Variants in TMTC3 observed in about 807,000 individuals in gnomAD.
TMTC3 encodes the protein transmembrane O-mannosyltransferase targeting cadherins 3.
Under a neutral mutation model 92.2 loss-of-function variants are expected in TMTC3, and 52 were observed. That is an observed-to-expected ratio of 0.56 (90% CI 0.45 to 0.71). TMTC3 has a LOEUF of 0.71. Ranked by LOEUF, TMTC3 falls within the 30% of genes least tolerant of loss-of-function variation. The pLI, the probability that TMTC3 is intolerant of heterozygous loss-of-function variation, is 0.00. For synonymous variants in TMTC3, 339 were observed against 363.3 expected (o/e 0.93, Z 0.76); for missense variants, 896 against 1,057.1 (o/e 0.85, Z 2.11).
chr12:88,197,544 GAA>G lies in TMTC3; in HGVS notation c.*1898_*1899del, dbSNP rs1171437805. ...ATAGTATCAAGTGGAGGGTAGTTCA[GAA>G]AAGTTAATAGGAAATCTTTTGTGAC... On this transcript the variant is annotated 3_prime_UTR_variant, in exon 14 of 14. Transcript: ENST00000266712. 6.6e-6 allele frequency: 1 copy of G among 152,142 alleles called. No homozygotes were observed. The highest frequency in any genetic ancestry group is 2.4e-5 in the African/African-American group (1 of 41,400). 9.4% of individuals were successfully genotyped at this position (152,142 alleles called of 1,614,324 possible). A position where few individuals can be genotyped will look rare whatever the true frequency, so the allele number is the denominator to read the frequency against.
At chr12:88,178,064 G>C (rs745775761) in intron 10 of TMTC3, among the ~76,000 whole-genome samples, 6 of 152,140 alleles carry the variant, frequency 3.9e-5, no homozygotes, top group Non-Finnish European at 7.4e-5. Context: ...TGGTAAAAAG[G>C]AGAGAGAATT....
At position 88,154,361 on chromosome 12, in the gene TMTC3, G is replaced by T; in HGVS notation, c.482G>T (p.Arg161Ile). 1 of 1,605,448 alleles carries T rather than the reference G, an allele frequency of 6.2e-7. No homozygotes were observed. ...FFLAAFLSYT[R>I]SKGPDNSIIW... ...CTAGCAGCTTTTTTGTCATATACCA[G>T]ATCAAAAGGACCAGACAATTCCATA... Residue 161 changes from arginine to isoleucine, a missense_variant, in exon 4 of 14, where the codon AGA (arginine) becomes ATA (isoleucine). Transcript: ENST00000266712.
intron 10 of TMTC3, among the ~76,000 whole-genome samples, chr12:88,178,075 G>T (rs2041279020): frequency 6.6e-6 from 1 of 152,090 alleles, no homozygotes; most frequent in Admixed American, 6.6e-5. Flanking sequence ...AGAGAGAATT[G>T]TCCAAAAATG....
chr12:88,143,035 T>C (rs146457989), intron 1 of TMTC3, among the ~76,000 whole-genome samples: 144 of 152,250 alleles, frequency 9.5e-4, no homozygotes, highest in Middle Eastern at 3.4e-3. Context: ...CGTGCAAGTT[T>C]TGCTCATCCT....
At chr12:88,143,696 C>G (rs1274237458) in intron 1 of TMTC3, among the ~76,000 whole-genome samples, 2 of 152,140 alleles carry the variant, frequency 1.3e-5, no homozygotes, top group African/African-American at 4.8e-5. Context: ...GTTCAGTGTT[C>G]TTAATTCATA....
intron 13 of TMTC3, 48 bp from the exon 14 acceptor site, chr12:88,194,790 T>G: frequency 8.2e-7 from 1 of 1,223,194 alleles, no homozygotes; most frequent in Non-Finnish European, 1.1e-6. Flanking sequence ...TTCCTCACAT[T>G]TAATTATTTT....
intron 6 of TMTC3, among the ~76,000 whole-genome samples, chr12:88,161,231 T>C (rs1377492215): frequency 6.6e-6 from 1 of 152,148 alleles, no homozygotes; most frequent in Non-Finnish European, 1.5e-5. Flanking sequence ...GTTTTTGTTT[T>C]GTGCGTTTTT....
intron 3 of TMTC3, 53 bp downstream of exon 3, chr12:88,153,562 G>A: frequency 9.4e-7 from 1 of 1,060,690 alleles, no homozygotes; most frequent in Non-Finnish European, 1.4e-6. Flanking sequence ...TACAAATCCT[G>A]CACAGTGATT....
At chr12:88,168,315 G>A (rs1053747354) in intron 7 of TMTC3, among the ~76,000 whole-genome samples, 1 of 152,184 alleles carries the variant, frequency 6.6e-6, no homozygotes, top group Non-Finnish European at 1.5e-5. Flanking sequence ...AGGAAGTGAA[G>A]AGAGCTAGTA....
intron 12 of TMTC3, among the ~76,000 whole-genome samples, chr12:88,192,050 C>A (rs1172828496): frequency 8.2e-6 from 1 of 121,924 alleles, no homozygotes; most frequent in Non-Finnish European, 1.6e-5. Context: ...TAAGAATGGT[C>A]GTATTATAAG....
At chr12:88,166,728 TCCC>T in intron 7 of TMTC3, 146 bp downstream of exon 7, 1 of 920,042 alleles carries the variant, frequency 1.1e-6, no homozygotes, top group Non-Finnish European at 1.6e-6. Context: ...TTTGAGTTTA[TCCC>T]AAAATTCTCA....
intron 13 of TMTC3, among the ~76,000 whole-genome samples, chr12:88,193,104 T>C (rs1484168312): frequency 6.6e-6 from 1 of 152,134 alleles, no homozygotes; most frequent in East Asian, 1.9e-4. Flanking sequence ...ACATTAACTA[T>C]TTTGTCATTT....
At chr12:88,155,476 C>T (rs2040996293) in intron 4 of TMTC3, among the ~76,000 whole-genome samples, 1 of 152,170 alleles carries the variant, frequency 6.6e-6, no homozygotes, top group South Asian at 2.1e-4. Flanking sequence ...CTCTCAATTA[C>T]CTGTCTAATC....
At chr12:88,151,246 C>T (rs903699697) in intron 2 of TMTC3, among the ~76,000 whole-genome samples, 1 of 152,056 alleles carries the variant, frequency 6.6e-6, no homozygotes, top group Non-Finnish European at 1.5e-5. Flanking sequence ...CTGTAATGAG[C>T]CACCTTCCTC....
In TMTC3 at chr12:88,197,646, TA is replaced by T. The variant is rs918030118; in HGVS notation, c.*1998del. The T allele has an allele frequency of 2.0e-5, 3 of 151,974 alleles. No individual in the cohort carries two copies. Among genetic ancestry groups the T allele is most frequent in the Non-Finnish European group, 2.9e-5 (2 of 67,886 alleles). 9.4% of individuals were successfully genotyped at this position (151,974 alleles called of 1,614,324 possible). ...TCAAATGATAAAAATGTATCAATGT[TA>T]TCCAATGATTTTTATTAAAAAATTA... is the stretch of plus-strand genomic sequence containing the variant. On this transcript the variant is annotated 3_prime_UTR_variant, in exon 14 of 14. Coordinates refer to ENST00000266712, the MANE Select transcript of TMTC3 (RefSeq NM_181783.4).
intron 6 of TMTC3, among the ~76,000 whole-genome samples, chr12:88,163,678 CT>C (rs869281860): frequency 4.1e-5 from 2 of 49,048 alleles, no homozygotes; most frequent in South Asian, 2.3e-3. Context: ...TTCACATTGC[CT>C]TCTTTTCCAG....
chr12:88,172,791 T>C lies in TMTC3; in HGVS notation c.1199+46T>C, dbSNP rs1345677245. 8.3e-6 allele frequency: 13 copies of C among 1,561,004 alleles called. No individual in the cohort carries two copies. The African/African-American group carries it at 1.5e-4, about 18-fold the overall frequency. On this transcript the variant is annotated intron_variant, in intron 8 of 13. Transcript: ENST00000266712. ...ATGTAATGCTTACTATGGAATTAAG[T>C]GTGACACATTTTAAAATTTAAATAT...
intron 7 of TMTC3, among the ~76,000 whole-genome samples, chr12:88,170,473 C>T (rs1361069446): frequency 6.6e-6 from 1 of 151,922 alleles, no homozygotes; most frequent in Admixed American, 6.6e-5. Flanking sequence ...TTATTCTTAC[C>T]TTTTTGATTT....
intron 6 of TMTC3, among the ~76,000 whole-genome samples, chr12:88,161,062 G>T (rs2041072675): frequency 6.6e-6 from 1 of 152,048 alleles, no homozygotes; most frequent in African/African-American, 2.4e-5. Context: ...TAAAGATAAT[G>T]AATGACCCAT....
Sources: allele counts gnomAD v4.1 joint callset (sites outside exome capture counted in the v4.1 genomes callset), GRCh38; gene constraint gnomAD v4.1.1; transcripts MANE v1.5; gene names NCBI Gene and HGNC (gene_info 2026-07-23, HGNC 2026-07-21).